TRMT11: variants seen among roughly 807,000 people sequenced by gnomAD.
The protein encoded by TRMT11 is tRNA (guanine(10)-N(2))-methyltransferase TRMT11.
TRMT11 carries 53 observed loss-of-function variants against 62.8 expected under a neutral mutation model. The observed-to-expected ratio is 0.84, with a 90% confidence interval of 0.68 to 1.06. The LOEUF is 1.06. Among genes scored for constraint, TRMT11 ranks in the 50% least tolerant of loss-of-function variants. TRMT11 has a pLI of 0.00. For missense variants in TRMT11, 556 were observed against 553.4 expected (o/e 1.00, Z -0.05); for synonymous variants, 188 against 190.3 (o/e 0.99, Z 0.10).
the TRMT11 span, among the ~76,000 whole-genome samples, chr6:126,268,069 A>T: frequency 6.6e-6 from 1 of 152,184 alleles, no homozygotes; most frequent in Admixed American, 6.5e-5. Context: ...TATGCTCCTT[A>T]AACTAAATTA....
intron 12 of TRMT11, among the ~76,000 whole-genome samples, chr6:126,033,722 C>T (rs182525297): frequency 3.1e-4 from 47 of 152,244 alleles, no homozygotes; most frequent in Admixed American, 6.5e-4. Context: ...GCTATCAAAA[C>T]GGTGCTCCTG....
chr6:126,149,403 G>C (rs1258891542), intron 21 of TRMT11, among the ~76,000 whole-genome samples: 1 of 151,946 alleles, frequency 6.6e-6, no homozygotes, highest in East Asian at 1.9e-4. Flanking sequence ...CATCTTATGG[G>C]GCATCCACCT....
At chr6:126,186,617 TCTCA>T (rs1163027317) in intron 1 of TRMT11, among the ~76,000 whole-genome samples, 3 of 152,174 alleles carry the variant, frequency 2.0e-5, no homozygotes, top group Non-Finnish European at 4.4e-5. Context: ...GACTTAGACA[TCTCA>T]CTCAAGTTGA....
chr6:126,194,112 C>T (rs1380537021), intron 1 of TRMT11, among the ~76,000 whole-genome samples: 1 of 152,062 alleles, frequency 6.6e-6, no homozygotes, highest in Non-Finnish European at 1.5e-5. Context: ...GAGAATGTTC[C>T]ATGTGCTGAA....
At chr6:126,079,818 AT>A (rs1457789220) in intron 17 of TRMT11, among the ~76,000 whole-genome samples, 1 of 152,190 alleles carries the variant, frequency 6.6e-6, no homozygotes, top group African/African-American at 2.4e-5. Context: ...AACTATGACC[AT>A]GGAGGATGTG....
chr6:126,036,556 C>G (rs868462382), intron 12 of TRMT11, among the ~76,000 whole-genome samples: 1 of 151,996 alleles, frequency 6.6e-6, no homozygotes, highest in African/African-American at 2.4e-5. Context: ...GGATTTGACG[C>G]AGGTTTCTGA....
intron 21 of TRMT11, among the ~76,000 whole-genome samples, chr6:126,159,472 G>A (rs956254923): frequency 6.6e-6 from 1 of 152,126 alleles, no homozygotes; most frequent in African/African-American, 2.4e-5. Flanking sequence ...ACCTTCCCTA[G>A]AGGATAGCAG....
At chr6:126,120,520 G>A (rs902597112) in intron 21 of TRMT11, among the ~76,000 whole-genome samples, 1 of 152,122 alleles carries the variant, frequency 6.6e-6, no homozygotes, top group Non-Finnish European at 1.5e-5. Flanking sequence ...CTCTAAGGAG[G>A]TTGACTTCAG....
chr6:126,212,377 C>CATTT, the TRMT11 span, among the ~76,000 whole-genome samples: 1 of 152,146 alleles, frequency 6.6e-6, no homozygotes, highest in East Asian at 1.9e-4. Flanking sequence ...TACTAATTTA[C>CATTT]ATTTCCTCCA....
Position 126,093,631 on chromosome 6 carries a change from A to ATATATTTTTTTTTTT in TRMT11, c.*1438-19234_*1438-19233insATATTTTTTTTTTTT, listed in dbSNP as rs1554236842. ...TATATATATATATATATATATATAT[A>ATATATTTTTTTTTTT]TTTTCCCCCAGTCCTGGAGGATCAA... is the stretch of plus-strand genomic sequence containing the variant. On this transcript the variant is annotated intron_variant and NMD_transcript_variant, in intron 17 of 22. Transcript: ENST00000648977. Among the ~76,000 whole-genome samples, 14 of 98,014 alleles carry ATATATTTTTTTTTTT rather than the reference A, an allele frequency of 1.4e-4. 1 individual carries two copies. Among genetic ancestry groups the ATATATTTTTTTTTTT allele is most frequent in the African/African-American group, 4.8e-4 (11 of 22,926 alleles). The allele number at this position is 98,014 out of a possible 152,430, so 64.3% of individuals were successfully genotyped here.
upstream of TRMT11, among the ~76,000 whole-genome samples, chr6:126,173,007 C>CA (rs1778347419): frequency 1.3e-5 from 2 of 152,246 alleles, no homozygotes; most frequent in East Asian, 3.9e-4. Flanking sequence ...GAAGATATGT[C>CA]ATGAGGCCTC....
At chr6:126,184,992 A>G (rs1778511518) in intron 1 of TRMT11, among the ~76,000 whole-genome samples, 1 of 152,174 alleles carries the variant, frequency 6.6e-6, no homozygotes, top group African/African-American at 2.4e-5. Context: ...AGTATATGTA[A>G]TATTAACACT....
At chr6:126,191,512 G>A (rs1270926237) in intron 1 of TRMT11, among the ~76,000 whole-genome samples, 1 of 97,328 alleles carries the variant, frequency 1.0e-5, no homozygotes, top group Non-Finnish European at 2.0e-5. Context: ...TTGAGATCTT[G>A]CCCTGCCCTC....
At chr6:126,024,828 G>C (rs1486473204) in intron 12 of TRMT11, among the ~76,000 whole-genome samples, 1 of 152,136 alleles carries the variant, frequency 6.6e-6, no homozygotes, top group African/African-American at 2.4e-5. Context: ...TATTTTAAAG[G>C]AAGTAAGGCA....
At chr6:126,186,885 A>G (rs183134069) in intron 1 of TRMT11, among the ~76,000 whole-genome samples, 1 of 152,232 alleles carries the variant, frequency 6.6e-6, no homozygotes, top group East Asian at 1.9e-4. Context: ...TCAAGTATTA[A>G]TAAAGAAATA....
upstream of TRMT11, among the ~76,000 whole-genome samples, chr6:126,176,577 C>T (rs1335791999): frequency 6.6e-6 from 1 of 152,132 alleles, no homozygotes; most frequent in Non-Finnish European, 1.5e-5. Context: ...ATCACAGGAA[C>T]CCAGACAATG....
At chr6:126,105,746 G>A (rs72975969) in intron 17 of TRMT11, among the ~76,000 whole-genome samples, 13,645 of 151,994 alleles carry the variant, frequency 0.09, 1,085 homozygotes, top group African/African-American at 0.22. Flanking sequence ...ATTTTTTAGG[G>A]GAAAGAAGGT....
At position 126,004,341 on chromosome 6, in the gene TRMT11, G is replaced by A. The variant is rs529158172; in HGVS notation, c.680-4051G>A. On this transcript the variant is annotated intron_variant, in intron 7 of 12. Transcript: ENST00000334379. ...TCACAGTGGGTAGTATATTTGGAAC[G>A]TCTGACTGTTCATATAGTACAATTA... Among the ~76,000 whole-genome samples, 38 of 152,116 alleles carry A rather than the reference G, an allele frequency of 2.5e-4. No individual in the cohort carries two copies. In the East Asian group the frequency reaches 6.9e-3, roughly 28 times the overall value.
the TRMT11 span, among the ~76,000 whole-genome samples, chr6:126,212,291 G>A: frequency 2.0e-5 from 3 of 152,150 alleles, no homozygotes; most frequent in Non-Finnish European, 4.4e-5. Flanking sequence ...ATACCTAGCA[G>A]TGGGATTGCT....
Sources: allele counts gnomAD v4.1 joint callset (sites outside exome capture counted in the v4.1 genomes callset), GRCh38; gene constraint gnomAD v4.1.1; transcripts MANE v1.5; gene names NCBI Gene and HGNC (gene_info 2026-07-23, HGNC 2026-07-21).